The following CIITA variants were observed in gnomAD, a reference collection of about 807,000 sequenced individuals.
The protein encoded by CIITA is class II major histocompatibility complex transactivator, also known as MHC class II transactivator.
In CIITA, 72 loss-of-function variants were observed where a neutral mutation model predicts 115.1. The observed-to-expected ratio is 0.63, with a 90% confidence interval of 0.52 to 0.76. The LOEUF (loss-of-function observed/expected upper bound fraction) is 0.76. Ranked by LOEUF, CIITA falls within the 30% of genes least tolerant of loss-of-function variation. CIITA has a pLI of 0.00. For synonymous variants in CIITA, 763 were observed against 635.6 expected, an observed-to-expected ratio of 1.20 and a Z score of -3.02; for missense variants, 1,617 against 1,463.8, an observed-to-expected ratio of 1.10 and a Z score of -1.71.
At position 10,908,025 on chromosome 16, in the gene CIITA, G is replaced by A; in HGVS notation, c.2533G>A (p.Ala845Thr). The A allele has an allele frequency of 6.2e-7, 1 of 1,608,046 alleles. No homozygotes were observed. Among genetic ancestry groups the A allele is most frequent in the Non-Finnish European group, 8.5e-7 (1 of 1,175,482 alleles). ...FLGTRLTPPD[A>T]HVLGKALEAA... is the part of the protein sequence containing the mutation. The stretch of plus-strand genomic sequence containing the variant: ...GGGCACCCGCCTCACGCCTCCTGAT[G>A]CACATGTACTGGGCAAGGCCTTGGA... The change falls in exon 11 of 20, where the codon GCA becomes ACA. Residue 845 changes from alanine to threonine, a missense_variant. Coordinates refer to ENST00000324288, the MANE Select transcript of CIITA (RefSeq NM_000246.4).
At chr16:10,913,971 C>T (rs1410417326) in intron 13 of CIITA, among the ~76,000 whole-genome samples, 1 of 64,972 alleles carries the variant, frequency 1.5e-5, no homozygotes, top group Non-Finnish European at 3.4e-5. Flanking sequence ...ATAAATAGAA[C>T]TCCATTCCCC....
chr16:10,877,895 G>A (rs374892336), intron 1 of CIITA, among the ~76,000 whole-genome samples: 11 of 152,192 alleles, frequency 7.2e-5, no homozygotes, highest in Non-Finnish European at 1.2e-4. Flanking sequence ...TTTAAAAAGG[G>A]TCAGGGGACG....
At position 10,931,225 on chromosome 16, in the gene CIITA, T is replaced by C. The variant is rs1342402224; in HGVS notation, c.*7370T>C. 6.6e-6 allele frequency: 1 copy of C among 151,916 alleles called. No individual in the cohort carries two copies. Among genetic ancestry groups the C allele is most frequent in the African/African-American group, 2.4e-5 (1 of 41,368 alleles). 9.4% of individuals were successfully genotyped at this position (151,916 alleles called of 1,614,324 possible). On this transcript the variant is annotated 3_prime_UTR_variant, in exon 20 of 20. Transcript: ENST00000324288. ...TACTTGGAAGGCTGAGGCAGGAGGA[T>C]TGCGTGAGCCCAGCAGTTCAAGGCT...
chr16:10,936,473 TACAA>T (rs2041025037), downstream of CIITA: 1 of 152,226 alleles, frequency 6.6e-6, no homozygotes, highest in Non-Finnish European at 1.5e-5. Flanking sequence ...GGCATGCATA[TACAA>T]ACAGAGGGAA....
At chr16:10,883,480 G>A (rs2036624538) in intron 1 of CIITA, among the ~76,000 whole-genome samples, 1 of 152,140 alleles carries the variant, frequency 6.6e-6, no homozygotes, top group Non-Finnish European at 1.5e-5. Context: ...CCCTTTACTG[G>A]CAAATGCACA....
intron 13 of CIITA, among the ~76,000 whole-genome samples, chr16:10,910,493 C>G (rs1346657842): frequency 6.6e-6 from 1 of 152,210 alleles, no homozygotes; most frequent in Non-Finnish European, 1.5e-5. Flanking sequence ...ATTCCCATCA[C>G]TCATTCAACA....
At chr16:10,880,349 G>A (rs2036295992) in intron 1 of CIITA, among the ~76,000 whole-genome samples, 1 of 152,194 alleles carries the variant, frequency 6.6e-6, no homozygotes, top group South Asian at 2.1e-4. Context: ...TATCCCAGGT[G>A]ACTCCAATGT....
Position 10,890,825 on chromosome 16 carries a change from C to T in CIITA, c.53-4457C>T, listed in dbSNP as rs1047376652. On this transcript the variant is annotated intron_variant, in intron 1 of 19. Coordinates refer to ENST00000324288, the MANE Select transcript of CIITA (RefSeq NM_000246.4). ...ATTCAGCACTTACTGATTGCCAGTC[C>T]CATTGCTAAGGGCTCCGCGTGACTT... 3.9e-5 allele frequency among the ~76,000 whole-genome samples: 6 copies of T among 152,160 alleles called. No individual in the cohort carries two copies. The East Asian group carries it at 9.6e-4, about 24-fold the overall frequency.
In CIITA at chr16:10,907,461, C is replaced by T. The variant is rs1160673027; in HGVS notation, c.1969C>T (p.Leu657=). ...AGCCCTCGACAGCCCCCCCGGGGCC[C>T]TGGCAGAGCTGGCCAAGCTGGCCTG... The part of the protein sequence containing the change: ...RAALDSPPGA[L]AELAKLAWEL... Residue 657 remains leucine (L), a synonymous_variant, in exon 11 of 20, where the codon CTG becomes TTG. Coordinates refer to ENST00000324288, the MANE Select transcript of CIITA (RefSeq NM_000246.4). This position sits in a 1 kb window ranked among gnomAD's most constrained non-coding sequence, Gnocchi z 5.0. 1.2e-6 allele frequency: 2 copies of T among 1,613,490 alleles called. No homozygotes were observed. The highest frequency in any genetic ancestry group is 1.6e-4 in the Middle Eastern group (1 of 6,062).
intron 3 of CIITA, among the ~76,000 whole-genome samples, chr16:10,898,018 T>C (rs761976027): frequency 3.3e-5 from 5 of 152,200 alleles, no homozygotes; most frequent in Non-Finnish European, 7.3e-5. Context: ...GAAAGCTATC[T>C]GTTCTCCTTC....
upstream of CIITA, among the ~76,000 whole-genome samples, chr16:10,873,011 C>T (rs149845115): frequency 1.6e-4 from 25 of 152,254 alleles, no homozygotes; most frequent in East Asian, 4.1e-3. Context: ...CTTGCTCTGT[C>T]GCCAAGGCTG....
At chr16:10,918,333 G>C in intron 15 of CIITA, 107 bp from the exon 16 acceptor site, 1 of 1,000,322 alleles carries the variant, frequency 1.0e-6, no homozygotes, top group South Asian at 1.3e-5. Context: ...GGTAGCTTAA[G>C]TCTGTCGACA....
Position 10,941,483 on chromosome 16 carries a change from AGG to A in CIITA, n.612_613del. On this transcript the variant is annotated non_coding_transcript_exon_variant, in exon 2 of 2. Coordinates refer to the CIITA transcript ENST00000573379. The surrounding 1 kb of genome is among the most constrained non-coding windows in gnomAD (Gnocchi z 6.4). ...GGTGAACGGAGGAGAAGCCTGAGGG[AGG>A]GGTGTGTATCCGGCCTGGGAATTCC... 7.8e-7 allele frequency: 1 copy of A among 1,278,432 alleles called. No homozygotes were observed. Among genetic ancestry groups the A allele is most frequent in the East Asian group, 3.1e-5 (1 of 32,674 alleles). 79.2% of individuals were successfully genotyped at this position (1,278,432 alleles called of 1,614,324 possible).
chr16:10,912,207 C>CA (rs2039631688), intron 13 of CIITA, among the ~76,000 whole-genome samples: 1 of 151,882 alleles, frequency 6.6e-6, no homozygotes, highest in African/African-American at 2.4e-5. Context: ...CTCCACCTCT[C>CA]GGTTCAAGCA....
intron 9 of CIITA, among the ~76,000 whole-genome samples, chr16:10,904,173 T>G (rs1450790204): frequency 1.3e-5 from 2 of 152,180 alleles, no homozygotes; most frequent in African/African-American, 4.8e-5. Flanking sequence ...CTTTTGAAGT[T>G]GAAAACCCTG....
intron 1 of CIITA, among the ~76,000 whole-genome samples, chr16:10,883,668 G>A (rs2036640924): frequency 6.6e-6 from 1 of 152,146 alleles, no homozygotes; most frequent in African/African-American, 2.4e-5. Flanking sequence ...AAAAATAGAA[G>A]TAAGTTGTCT....
rs369114004 is a variant in CIITA at position 10,923,255 on chromosome 16, T to C, written c.3345T>C (p.Ser1115=). The change falls in exon 19 of 20, where the codon AGT becomes AGC. Residue 1115 remains serine, a synonymous_variant. Transcript: ENST00000324288. This position sits in a 1 kb window ranked among gnomAD's most constrained non-coding sequence, Gnocchi z 5.2. ...TGTGGACGCCCACCATCCCATTCAG[T>C]GTCCAGGAACACCTGCAACAACAGG... is the stretch of plus-strand genomic sequence containing the variant. The part of the protein sequence containing the change: ...LAMWTPTIPF[S]VQEHLQQQDS... The C allele has an allele frequency of 8.7e-6, 14 of 1,610,144 alleles. No homozygotes were observed. The highest frequency in any genetic ancestry group is 3.3e-5 in the South Asian group (3 of 91,008).
At chr16:10,883,870 C>A (rs2143756247) in intron 1 of CIITA, among the ~76,000 whole-genome samples, 1 of 152,348 alleles carries the variant, frequency 6.6e-6, no homozygotes, top group South Asian at 2.1e-4. Context: ...CAAGCTGGGA[C>A]AGCAAGGAAG....
At chr16:10,890,767 A>G (rs191939166) in intron 1 of CIITA, among the ~76,000 whole-genome samples, 1 of 152,326 alleles carries the variant, frequency 6.6e-6, no homozygotes, top group Admixed American at 6.5e-5. Context: ...TATACTCACC[A>G]TGTAGAAGCT....
Sources: gnomAD v4.1 joint callset for allele counts (sites outside exome capture counted in the v4.1 genomes callset) on GRCh38, gnomAD v4.1.1 for gene constraint, Gnocchi (gnomAD v3.1) non-coding constraint, MANE v1.5 for transcripts, NCBI Gene and HGNC (gene_info 2026-07-23, HGNC 2026-07-21) for gene names.